IMMT: variants seen among roughly 807,000 people sequenced by gnomAD.
The protein encoded by IMMT is inner membrane mitochondrial protein.
In IMMT, 40 loss-of-function variants were observed where a neutral mutation model predicts 92.7. The observed-to-expected ratio is 0.43, with a 90% CI of 0.34 to 0.56. The LOEUF (loss-of-function observed/expected upper bound fraction) is 0.56. IMMT is among the 20% of genes least tolerant of loss of function. The pLI is 0.03. For missense variants in IMMT, 831 were observed against 912.1 expected, an observed-to-expected ratio of 0.91 and a Z score of 1.14; for synonymous variants, 322 against 336.1, an observed-to-expected ratio of 0.96 and a Z score of 0.46.
At chr2:86,169,823 G>A (rs866353136) in intron 6 of IMMT, among the ~76,000 whole-genome samples, 101 of 152,160 alleles carry the variant, frequency 6.6e-4, no homozygotes, top group African/African-American at 2.4e-3. Flanking sequence ...AGGCCAAGGT[G>A]GGAGGATTTC....
At chr2:86,157,892 C>G (rs529472762) in intron 10 of IMMT, among the ~76,000 whole-genome samples, 1 of 151,266 alleles carries the variant, frequency 6.6e-6, no homozygotes. Context: ...GCAGGAGGAT[C>G]GCTTCAACCC....
At chr2:86,158,376 A>C (rs72936358) in intron 10 of IMMT, 10,542 of 377,082 alleles carry the variant, frequency 0.028, 973 homozygotes, top group African/African-American at 0.19. Flanking sequence ...GGAATTAAAC[A>C]CTAGCTGGAA....
At chr2:86,179,335 T>C in intron 3 of IMMT, 98 bp downstream of exon 3, 1 of 1,046,828 alleles carries the variant, frequency 9.6e-7, no homozygotes, top group Non-Finnish European at 1.4e-6. Flanking sequence ...GAACCTCTCC[T>C]TCAAGAATAC....
In IMMT at chr2:86,195,332, G is replaced by A; in HGVS notation, c.45+6C>T. Reference sequence around the variant, plus strand: ...CTCACGCGCCTCCGGGAGCCCCAGTGCTCACCTGGGCGGCGGCGGTCACAC... The same window carrying A: ...CTCACGCGCCTCCGGGAGCCCCAGTACTCACCTGGGCGGCGGCGGTCACAC... On this transcript the variant is annotated splice_donor_region_variant and intron_variant, in intron 1 of 14. Coordinates refer to ENST00000410111, the MANE Select transcript of IMMT (RefSeq NM_006839.3). The A allele has an allele frequency of 2.6e-6, 4 of 1,547,480 alleles. No homozygotes were observed. Among genetic ancestry groups the A allele is most frequent in the South Asian group, 1.2e-5 (1 of 83,474 alleles).
intron 1 of IMMT, among the ~76,000 whole-genome samples, chr2:86,192,871 G>C (rs1673238695): frequency 6.6e-6 from 1 of 152,080 alleles, no homozygotes; most frequent in African/African-American, 2.4e-5. Flanking sequence ...ACATGCTGGA[G>C]ATTACCAGGA....
intron 1 of IMMT, 62 bp downstream of exon 1, chr2:86,195,276 C>A: frequency 6.9e-7 from 1 of 1,449,872 alleles, no homozygotes; most frequent in South Asian, 1.3e-5. Flanking sequence ...AAGGCTCCCC[C>A]GTTTTTCGCT....
At chr2:86,150,548 A>G (rs1196302328) in intron 12 of IMMT, among the ~76,000 whole-genome samples, 19 of 152,206 alleles carry the variant, frequency 1.2e-4, no homozygotes, top group Non-Finnish European at 5.9e-5. Context: ...AGGTTCCCAA[A>G]TCAGCCTGTG....
intron 3 of IMMT, among the ~76,000 whole-genome samples, chr2:86,177,950 T>C (rs1677545564): frequency 6.6e-6 from 1 of 152,212 alleles, no homozygotes; most frequent in African/African-American, 2.4e-5. Flanking sequence ...CTATGTGATA[T>C]GTACTGAGAG....
intron 8 of IMMT, among the ~76,000 whole-genome samples, chr2:86,160,635 C>T (rs1676200932): frequency 6.6e-6 from 1 of 152,108 alleles, no homozygotes; most frequent in Non-Finnish European, 1.5e-5. Flanking sequence ...TGACAAATAA[C>T]TATTCCATAC....
chr2:86,182,044 T>C (rs566428026), intron 1 of IMMT, among the ~76,000 whole-genome samples: 1 of 152,344 alleles, frequency 6.6e-6, no homozygotes, highest in African/African-American at 2.4e-5. Context: ...TGATCAGGGC[T>C]ATATGGCTTG....
At chr2:86,187,193 T>C (rs1038720350) in intron 1 of IMMT, among the ~76,000 whole-genome samples, 1 of 152,202 alleles carries the variant, frequency 6.6e-6, no homozygotes, top group Non-Finnish European at 1.5e-5. Context: ...CCTATATCCA[T>C]TAAGCAGTCA....
chr2:86,179,503 G>C lies in IMMT; in HGVS notation c.239C>G (p.Pro80Arg), dbSNP rs200411502. The change falls in exon 3 of 15, where the codon CCT (proline) becomes CGT (arginine). Residue 80 changes from proline to arginine, a missense_variant. Pro to Arg is a moderately radical substitution (Grantham distance 103). Coordinates refer to ENST00000410111, the MANE Select transcript of IMMT (RefSeq NM_006839.3). The part of the protein sequence containing the change: ...HFRESVEKTI[P>R]YSDKLFEMVL... ...CATCTCGAAGAGTTTGTCTGAGTAA[G>C]GTATGGTTTTCTCTACACTTTCCCG... 1.2e-6 allele frequency: 2 copies of C among 1,613,350 alleles called. No individual in the cohort carries two copies. Among genetic ancestry groups the C allele is most frequent in the African/African-American group, 1.3e-5 (1 of 75,002 alleles).
rs548731236 is a variant in IMMT, at chr2:86,149,879, CAAAA to C, written c.1401+1414_1401+1417del. On this transcript the variant is annotated intron_variant, in intron 12 of 14. Transcript: ENST00000410111. ...TGGGCCACAAAGACAGACTCTGTCT[CAAAA>C]AAAAAAAAAAAAAAAGAAAGAAAAA... Among the ~76,000 whole-genome samples, 65 of 121,316 alleles carry C rather than the reference CAAAA, an allele frequency of 5.4e-4. 1 individual carries two copies. The highest frequency in any genetic ancestry group is 4.6e-4 in the Non-Finnish European group (27 of 58,132). 79.6% of individuals were successfully genotyped at this position (121,316 alleles called of 152,430 possible).
At chr2:86,178,177 G>A (rs576312377) in intron 3 of IMMT, among the ~76,000 whole-genome samples, 2 of 152,050 alleles carry the variant, frequency 1.3e-5, no homozygotes, top group East Asian at 3.9e-4. Context: ...AATTAGCCAG[G>A]CGTGGTGGTG....
At chr2:86,145,690 A>G (rs952164223) in intron 14 of IMMT, among the ~76,000 whole-genome samples, 41 of 152,192 alleles carry the variant, frequency 2.7e-4, no homozygotes, top group African/African-American at 8.4e-4. Flanking sequence ...TGGCACATGG[A>G]GGCCTCAGCA....
chr2:86,144,047 AAC>A lies in IMMT; in HGVS notation c.*219_*220del. On this transcript the variant is annotated 3_prime_UTR_variant, in exon 15 of 15. Coordinates refer to ENST00000410111, the MANE Select transcript of IMMT (RefSeq NM_006839.3). ...AAGCCTCATCAGTAAAACCTGAAAA[AAC>A]AGAAAATGTTACACAAGTTGCAAAG... is the stretch of plus-strand genomic sequence containing the variant. 1 of 599,768 alleles carries A rather than the reference AAC, an allele frequency of 1.7e-6. No homozygotes were observed. The highest frequency in any genetic ancestry group is 2.9e-6 in the Non-Finnish European group (1 of 342,984). The allele number at this position is 599,768 out of a possible 1,614,324, so 37.2% of individuals were successfully genotyped here. A position where few individuals can be genotyped will look rare whatever the true frequency, so the allele number is the denominator to read the frequency against.
intron 1 of IMMT, among the ~76,000 whole-genome samples, chr2:86,187,857 A>G (rs1672875838): frequency 6.6e-6 from 1 of 151,218 alleles, no homozygotes; most frequent in Non-Finnish European, 1.5e-5. Flanking sequence ...GGTTGCGGTG[A>G]GCCGAGATCG....
rs1573870855 is a variant in IMMT, at chr2:86,146,378, T to TC, written c.1534-182_1534-181insG. On this transcript the variant is annotated intron_variant, in intron 13 of 14. Coordinates refer to ENST00000410111, the MANE Select transcript of IMMT (RefSeq NM_006839.3). ...TCATATTTGATGTATATAATATATT[T>TC]TTTTTTTTTTTGAGATGGAATCTTG... Among the ~76,000 whole-genome samples, 4 of 151,714 alleles carry TC rather than the reference T, an allele frequency of 2.6e-5. No homozygotes were observed. The East Asian group carries it at 5.8e-4, about 22-fold the overall frequency.
rs1415905199 is a variant in IMMT, at chr2:86,144,013, T to G, written c.*255A>C. ...TAGAGATCACAAACATTATTTTGATTGGCCTCACAAGCCTCATCAGTAAAA... is the reference window on the plus strand; with the variant it reads ...TAGAGATCACAAACATTATTTTGATGGGCCTCACAAGCCTCATCAGTAAAA... On this transcript the variant is annotated 3_prime_UTR_variant, in exon 15 of 15. Transcript: ENST00000410111. The G allele has an allele frequency of 7.3e-6, 4 of 549,008 alleles. No homozygotes were observed. In the South Asian group the frequency reaches 8.5e-5, roughly 12 times the overall value. 34.0% of individuals were successfully genotyped at this position (549,008 alleles called of 1,614,324 possible).
Sources: gnomAD v4.1 joint callset for allele counts (sites outside exome capture counted in the v4.1 genomes callset) on GRCh38, gnomAD v4.1.1 for gene constraint, MANE v1.5 for transcripts, NCBI Gene and HGNC (gene_info 2026-07-23, HGNC 2026-07-21) for gene names.